Variants in ATL1 observed in about 807,000 individuals in gnomAD.
ATL1 encodes the protein atlastin-1.
A neutral mutation model predicts 75.5 loss-of-function variants in ATL1; 31 were observed. The ratio of observed to expected loss-of-function variants is 0.41; its 90% CI spans 0.31 to 0.55. The LOEUF (loss-of-function observed/expected upper bound fraction) is 0.55, where lower values mean the gene tolerates loss of function less well. ATL1 is among the 20% of genes least tolerant of loss of function. ATL1 has a pLI of 0.27. For synonymous variants in ATL1, 226 were observed against 233.3 expected (o/e 0.97, Z 0.28); for missense variants, 405 against 662.6 (o/e 0.61, Z 4.27).
At chr14:50,627,923 T>C in intron 11 of ATL1, 108 bp from the exon 12 acceptor site, 1 of 1,036,778 alleles carries the variant, frequency 9.6e-7, no homozygotes, top group Non-Finnish European at 1.5e-6. Flanking sequence ...TGCAGGCTCC[T>C]GATTATTAAC....
chr14:50,593,790 A>C, intron 4 of ATL1, 56 bp from the exon 5 acceptor site: 1 of 1,136,468 alleles, frequency 8.8e-7, no homozygotes, highest in Non-Finnish European at 1.3e-6. Flanking sequence ...ATGATGAAGT[A>C]AGTGCTTAGG....
In ATL1 at chr14:50,597,395, G is replaced by A. The variant is rs2356454; in HGVS notation, c.630+1763G>A. Among the ~76,000 whole-genome samples the A allele has an allele frequency of 8.3e-3, 1,259 of 151,966 alleles. 25 individuals carry two copies. Among genetic ancestry groups the A allele is most frequent in the African/African-American group, 0.028 (1,177 of 41,452 alleles). On this transcript the variant is annotated intron_variant, in intron 6 of 13. Coordinates refer to ENST00000358385, the MANE Select transcript of ATL1 (RefSeq NM_015915.5). ...ACAGTAGGATAGCATTTTTTATAAAGGTCCAAAATGAGCAAAACTAAACAA... is the reference window on the plus strand; with the variant it reads ...ACAGTAGGATAGCATTTTTTATAAAAGTCCAAAATGAGCAAAACTAAACAA...
At chr14:50,580,638 T>C (rs1330750853) in intron 1 of ATL1, among the ~76,000 whole-genome samples, 1 of 152,156 alleles carries the variant, frequency 6.6e-6, no homozygotes, top group East Asian at 1.9e-4. Context: ...TTTGAGTTTA[T>C]CTTGATAACA....
intron 4 of ATL1, among the ~76,000 whole-genome samples, chr14:50,592,274 A>G (rs2039166047): frequency 1.3e-5 from 2 of 152,188 alleles, no homozygotes; most frequent in African/African-American, 2.4e-5. Flanking sequence ...CTATTTTTAG[A>G]TATTTTCAAT....
chr14:50,620,378 G>T (rs1209603442), intron 8 of ATL1, among the ~76,000 whole-genome samples: 1 of 152,154 alleles, frequency 6.6e-6, no homozygotes, highest in Non-Finnish European at 1.5e-5. Flanking sequence ...CTAACTTATA[G>T]GTGGAAGACA....
chr14:50,537,794 A>C (rs772334694), intron 1 of ATL1, among the ~76,000 whole-genome samples: 3 of 152,200 alleles, frequency 2.0e-5, no homozygotes, highest in Non-Finnish European at 4.4e-5. Context: ...CATTTCTCCC[A>C]TTTTGAATGG....
chr14:50,542,165 A>G (rs2038572433), intron 1 of ATL1, among the ~76,000 whole-genome samples: 1 of 151,748 alleles, frequency 6.6e-6, no homozygotes, highest in African/African-American at 2.4e-5. Flanking sequence ...ACTATGTGAC[A>G]TTAACTGCTC....
chr14:50,583,282 C>G (rs2039073705), intron 1 of ATL1, among the ~76,000 whole-genome samples: 1 of 152,130 alleles, frequency 6.6e-6, no homozygotes, highest in African/African-American at 2.4e-5. Context: ...TGGAAACTGT[C>G]ATTATTTGAA....
Position 50,628,392 on chromosome 14 carries a change from T to G in ATL1, c.1481T>G (p.Ile494Ser). The change falls in exon 12 of 14, where the codon ATC becomes AGC. Residue 494 changes from isoleucine (I) to serine (S), a missense_variant. Transcript: ENST00000358385. ...ATCACCCTGTGCACTTGGGCATATA[T>G]CCGGTACTCTGGAGAATACCGAGAG... The part of the protein sequence containing the change: ...TLITLCTWAY[I>S]RYSGEYRELG... 1 of 1,614,170 alleles carries G rather than the reference T, an allele frequency of 6.2e-7. No individual in the cohort carries two copies.
intron 1 of ATL1, among the ~76,000 whole-genome samples, chr14:50,545,806 A>G (rs1409424994): frequency 6.6e-6 from 1 of 152,236 alleles, no homozygotes; most frequent in East Asian, 1.9e-4. Context: ...GTTCAAAGGC[A>G]TGCCAGGTTT....
chr14:50,562,803 AT>A (rs2038863803), intron 1 of ATL1, among the ~76,000 whole-genome samples: 1 of 152,378 alleles, frequency 6.6e-6, no homozygotes, highest in African/African-American at 2.4e-5. Context: ...TATGACATAA[AT>A]GACTTAGAAA....
chr14:50,629,729 T>C (rs2140240728), intron 12 of ATL1, among the ~76,000 whole-genome samples: 1 of 152,228 alleles, frequency 6.6e-6, no homozygotes, highest in South Asian at 2.1e-4. Flanking sequence ...CTTTCTGAAA[T>C]AGTCCCTCAA....
At chr14:50,625,968 A>G (rs72679587) in intron 11 of ATL1, among the ~76,000 whole-genome samples, 27,568 of 152,028 alleles carry the variant, frequency 0.18, 3,034 homozygotes, top group African/African-American at 0.31. Context: ...TGGAAGAACA[A>G]AGCCTATGTA....
At chr14:50,569,220 T>A (rs2038932753) in intron 1 of ATL1, among the ~76,000 whole-genome samples, 1 of 150,916 alleles carries the variant, frequency 6.6e-6, no homozygotes, top group Non-Finnish European at 1.5e-5. Flanking sequence ...ATTATCCAGG[T>A]GTGGTGGTGC....
At chr14:50,581,488 A>G (rs1231413184) in intron 1 of ATL1, among the ~76,000 whole-genome samples, 1 of 152,142 alleles carries the variant, frequency 6.6e-6, no homozygotes, top group East Asian at 1.9e-4. Context: ...TGGTGCTGTC[A>G]AAGACAAATT....
intron 1 of ATL1, among the ~76,000 whole-genome samples, chr14:50,540,227 G>A (rs2038543848): frequency 6.6e-6 from 1 of 152,180 alleles, no homozygotes; most frequent in African/African-American, 2.4e-5. Context: ...GCAAGGATAG[G>A]TGGTGCTATC....
At chr14:50,544,936 C>CAAA (rs35420627) in intron 1 of ATL1, among the ~76,000 whole-genome samples, 2 of 58,476 alleles carry the variant, frequency 3.4e-5, no homozygotes, top group Non-Finnish European at 6.4e-5. Context: ...GACCCACTCT[C>CAAA]AAAAAAAAAA....
intron 13 of ATL1, chr14:50,630,857 T>C: frequency 5.0e-6 from 2 of 396,704 alleles, no homozygotes; most frequent in South Asian, 1.9e-5. Flanking sequence ...ATAAGAGAAT[T>C]AGAATTAAAT....
rs1468560645 is a variant in ATL1 at position 50,621,855 on chromosome 14, A to T, written c.1003A>T (p.Ile335Phe). ...TCTTTTTTTTTAGGCTTATATAAAGATCTATCAAGGTGAAGAATTACCACA... is the reference window on the plus strand; with the variant it reads ...TCTTTTTTTTTAGGCTTATATAAAGTTCTATCAAGGTGAAGAATTACCACA... Reference protein sequence around the residue: ...LVEYFKAYIKIYQGEELPHPK... With the variant: ...LVEYFKAYIKFYQGEELPHPK... Residue 335 changes from isoleucine to phenylalanine, a missense_variant, in exon 10 of 14, where the codon ATC becomes TTC. By Grantham distance (21) the Ile-to-Phe change is conservative (BLOSUM62 0). This residue lies in a region of ATL1 where 56 missense variants were observed against 66.6 expected (regional missense o/e 0.84). Coordinates refer to ENST00000358385, the MANE Select transcript of ATL1 (RefSeq NM_015915.5). 1 of 1,590,846 alleles carries T rather than the reference A, an allele frequency of 6.3e-7. No homozygotes were observed. Among genetic ancestry groups the T allele is most frequent in the Non-Finnish European group, 8.6e-7 (1 of 1,160,098 alleles).
Sources: allele counts gnomAD v4.1 joint callset (sites outside exome capture counted in the v4.1 genomes callset), GRCh38; gene constraint gnomAD v4.1.1; regional missense constraint gnomAD v4.1.1; transcripts MANE v1.5; gene names NCBI Gene and HGNC (gene_info 2026-07-23, HGNC 2026-07-21).